The following MCCC2 variants were observed in gnomAD, a reference collection of about 807,000 sequenced individuals.
MCCC2 encodes methylcrotonoyl-CoA carboxylase beta chain, mitochondrial.
Under a neutral mutation model 77.2 loss-of-function variants are expected in MCCC2, and 52 were observed. The ratio of observed to expected loss-of-function variants is 0.67; its 90% CI spans 0.54 to 0.85. The LOEUF is 0.85. Ranked by LOEUF, MCCC2 falls within the 40% of genes least tolerant of loss-of-function variation. The probability of loss-of-function intolerance (pLI) is 0.00; values close to 1 mark genes in which losing one functional copy is unlikely to be tolerated. For missense variants in MCCC2, 682 were observed against 703.2 expected, an observed-to-expected ratio of 0.97 and a Z score of 0.34; for synonymous variants, 253 against 248.4, an observed-to-expected ratio of 1.02 and a Z score of -0.18.
intron 15 of MCCC2, among the ~76,000 whole-genome samples, chr5:71,651,365 GCT>G (rs1747433091): frequency 6.6e-6 from 1 of 152,204 alleles, no homozygotes; most frequent in African/African-American, 2.4e-5. Flanking sequence ...TCAGCAAGCG[GCT>G]GCTTTTAAAA....
At chr5:71,603,306 C>T (rs1244690291) in intron 5 of MCCC2, among the ~76,000 whole-genome samples, 2 of 149,624 alleles carry the variant, frequency 1.3e-5, no homozygotes, top group Non-Finnish European at 3.0e-5. Flanking sequence ...GTCCCAGCTA[C>T]TTGGGAGGCT....
At chr5:71,652,348 G>T (rs1403531540) in intron 15 of MCCC2, among the ~76,000 whole-genome samples, 1 of 152,200 alleles carries the variant, frequency 6.6e-6, no homozygotes, top group Non-Finnish European at 1.5e-5. Context: ...AGGTTGCTAA[G>T]TGTAATGCAG....
chr5:71,592,904 G>A, intron 1 of MCCC2, 22 bp from the exon 2 acceptor site: 3 of 1,526,470 alleles, frequency 2.0e-6, no homozygotes, highest in Non-Finnish European at 2.7e-6. Context: ...TCTCTCCCCT[G>A]TCTCCTCTAT....
In MCCC2 at chr5:71,652,730, G is replaced by A. The variant is rs747125680; in HGVS notation, c.1550G>A (p.Gly517Glu). ...ATCATTAAGAAGTTTGAAGAGGAAGGAAACCCTTACTATTCCAGCGCAAGG... is the reference window on the plus strand; with the variant it reads ...ATCATTAAGAAGTTTGAAGAGGAAGAAAACCCTTACTATTCCAGCGCAAGG... The part of the protein sequence containing the change: ...EPIIKKFEEE[G>E]NPYYSSARVW... The change falls in exon 16 of 17, where the codon GGA becomes GAA. Residue 517 changes from glycine to glutamate, a missense_variant. Physicochemically the swap from Gly to Glu is moderately conservative, Grantham distance 98. Transcript: ENST00000340941. 6.2e-6 allele frequency: 10 copies of A among 1,614,026 alleles called. No homozygotes were observed. Among genetic ancestry groups the A allele is most frequent in the East Asian group, 2.2e-5 (1 of 44,898 alleles).
chr5:71,618,074 G>A (rs1213134616), intron 6 of MCCC2, among the ~76,000 whole-genome samples: 3 of 152,182 alleles, frequency 2.0e-5, no homozygotes, highest in Non-Finnish European at 2.9e-5. Flanking sequence ...TGAGTCTCAT[G>A]TCATGAGAAT....
At chr5:71,593,365 T>TA (rs1363548870) in intron 2 of MCCC2, among the ~76,000 whole-genome samples, 1 of 151,784 alleles carries the variant, frequency 6.6e-6, no homozygotes, top group Admixed American at 6.6e-5. Context: ...GCTGCAATTA[T>TA]AGGCGTGAGC....
rs1554136063 is a variant in MCCC2 at position 71,618,503 on chromosome 5, T to TCCTTCCTTCCTG, written c.625-8126_625-8125insGCCTTCCTTCCT. ...CTTCTTTCCTTCTTCCTTCCTTCCT[T>TCCTTCCTTCCTG]CCTTCCTTCCTTCCTTCCTTCCTTC... On this transcript the variant is annotated intron_variant, in intron 6 of 16. Transcript: ENST00000340941. Among the ~76,000 whole-genome samples, 107 of 54,194 alleles carry TCCTTCCTTCCTG rather than the reference T, an allele frequency of 2.0e-3. 2 individuals carry two copies. Among genetic ancestry groups the TCCTTCCTTCCTG allele is most frequent in the African/African-American group, 6.1e-3 (106 of 17,358 alleles). The allele number at this position is 54,194 out of a possible 152,430, so 35.6% of individuals were successfully genotyped here.
At chr5:71,645,331 A>G (rs953963527) in intron 12 of MCCC2, among the ~76,000 whole-genome samples, 16 of 152,252 alleles carry the variant, frequency 1.1e-4, no homozygotes, top group Admixed American at 3.9e-4. Context: ...TTCCAGCAGA[A>G]GTAAAGAGAA....
At chr5:71,620,804 C>T (rs543433346) in intron 6 of MCCC2, among the ~76,000 whole-genome samples, 107 of 152,290 alleles carry the variant, frequency 7.0e-4, no homozygotes, top group African/African-American at 2.5e-3. Flanking sequence ...TATGTCTCAT[C>T]CTCATCCTTC....
At chr5:71,602,397 G>A in intron 4 of MCCC2, 109 bp from the exon 5 acceptor site, 1 of 1,357,006 alleles carries the variant, frequency 7.4e-7, no homozygotes. Context: ...GATGTTAATA[G>A]TGATACGTAC....
chr5:71,650,838 A>G (rs1011398674), intron 15 of MCCC2, among the ~76,000 whole-genome samples: 107 of 152,126 alleles, frequency 7.0e-4, no homozygotes, highest in African/African-American at 2.6e-3. Context: ...TTTAGTAGAG[A>G]TGGGGTTTCA....
At chr5:71,650,789 C>T (rs1392699402) in intron 15 of MCCC2, among the ~76,000 whole-genome samples, 2 of 152,204 alleles carry the variant, frequency 1.3e-5, no homozygotes, top group African/African-American at 4.8e-5. Context: ...GCTGGGACTA[C>T]AGGTGCCCAT....
intron 2 of MCCC2, 80 bp from the exon 3 acceptor site, chr5:71,596,200 G>T (rs938090581): frequency 8.7e-5 from 108 of 1,238,666 alleles, no homozygotes; most frequent in Non-Finnish European, 1.2e-4. Flanking sequence ...CTATATTTTG[G>T]ATTAAGTATT....
chr5:71,638,185 GCTC>G (rs1281740364), intron 10 of MCCC2, among the ~76,000 whole-genome samples: 1 of 152,180 alleles, frequency 6.6e-6, no homozygotes, highest in Non-Finnish European at 1.5e-5. Flanking sequence ...ATAAGAAGCA[GCTC>G]CTCATCTGTT....
At chr5:71,621,344 A>G (rs930144170) in intron 6 of MCCC2, among the ~76,000 whole-genome samples, 5 of 152,062 alleles carry the variant, frequency 3.3e-5, no homozygotes, top group African/African-American at 1.2e-4. Context: ...TAAAAAAAAT[A>G]AAAATAAAAA....
intron 16 of MCCC2, among the ~76,000 whole-genome samples, chr5:71,654,353 A>G (rs1215851995): frequency 6.6e-6 from 1 of 152,154 alleles, no homozygotes; most frequent in African/African-American, 2.4e-5. Context: ...TTTACAAACA[A>G]ATTTACAGGT....
intron 6 of MCCC2, among the ~76,000 whole-genome samples, chr5:71,624,378 T>C (rs1746464237): frequency 6.6e-6 from 1 of 152,200 alleles, no homozygotes; most frequent in African/African-American, 2.4e-5. Context: ...TCCTTTCTTT[T>C]TCTTTTTCTT....
At chr5:71,599,847 G>C in intron 4 of MCCC2, 87 bp downstream of exon 4, 1 of 1,053,172 alleles carries the variant, frequency 9.5e-7, no homozygotes, top group Non-Finnish European at 1.5e-6. Flanking sequence ...TTGCATATTA[G>C]CATGCGATTT....
chr5:71,599,628 T>A (rs763448110), intron 3 of MCCC2, 31 bp from the exon 4 acceptor site: 20 of 1,548,564 alleles, frequency 1.3e-5, no homozygotes, highest in Non-Finnish European at 1.7e-5. Context: ...TTAATGACAT[T>A]AATTCAAACA....
Sources: gnomAD v4.1 joint callset for allele counts (sites outside exome capture counted in the v4.1 genomes callset) on GRCh38, gnomAD v4.1.1 for gene constraint, MANE v1.5 for transcripts, NCBI Gene and HGNC (gene_info 2026-07-23, HGNC 2026-07-21) for gene names.